SNX7: variants seen among roughly 807,000 people sequenced by gnomAD.
SNX7 encodes sorting nexin 7.
SNX7 carries 35 observed loss-of-function variants against 48.4 expected under a neutral mutation model. The observed-to-expected ratio is 0.72, with a 90% CI of 0.55 to 0.96. The LOEUF (loss-of-function observed/expected upper bound fraction) is 0.96. Among genes scored for constraint, SNX7 ranks in the 40% least tolerant of loss-of-function variants. The pLI, the probability that SNX7 is intolerant of heterozygous loss-of-function variation, is 0.00. For missense variants in SNX7, 553 were observed against 548.9 expected (o/e 1.01, Z -0.07); for synonymous variants, 190 against 190.2 (o/e 1.00, Z 0.01).
intron 7 of SNX7, among the ~76,000 whole-genome samples, chr1:98,734,466 A>C (rs1653675586): frequency 6.6e-6 from 1 of 152,146 alleles, no homozygotes; most frequent in South Asian, 2.1e-4. Flanking sequence ...ATCGGTTTGA[A>C]TCCCTAATAT....
At chr1:98,673,458 C>T (rs945237844) in intron 1 of SNX7, among the ~76,000 whole-genome samples, 4 of 152,144 alleles carry the variant, frequency 2.6e-5, no homozygotes, top group Non-Finnish European at 5.9e-5. Context: ...TTTCCTAACA[C>T]TTATTCTTCT....
chr1:98,727,831 T>A (rs1653268681), intron 7 of SNX7, among the ~76,000 whole-genome samples: 1 of 151,544 alleles, frequency 6.6e-6, no homozygotes, highest in African/African-American at 2.4e-5. Context: ...CAGACAATAT[T>A]AGAGCAAAAA....
chr1:98,692,573 A>G (rs971187901), intron 4 of SNX7, among the ~76,000 whole-genome samples: 7 of 152,156 alleles, frequency 4.6e-5, no homozygotes, highest in African/African-American at 1.7e-4. Context: ...GGGAACCACA[A>G]GAGATCACTT....
chr1:98,690,248 T>C (rs1050540137), intron 2 of SNX7, among the ~76,000 whole-genome samples: 1 of 151,968 alleles, frequency 6.6e-6, no homozygotes, highest in Non-Finnish European at 1.5e-5. Flanking sequence ...TTAAATAAGG[T>C]ATTGGTGTGA....
At chr1:98,720,282 T>G (rs777597586) in intron 7 of SNX7, among the ~76,000 whole-genome samples, 2 of 152,074 alleles carry the variant, frequency 1.3e-5, no homozygotes, top group Non-Finnish European at 2.9e-5. Context: ...TAGAAATAAC[T>G]GTTGTTAATC....
In SNX7 at chr1:98,661,860, G is replaced by T. The variant is rs1172868759; in HGVS notation, c.129G>T (p.Ala43=). The T allele has an allele frequency of 3.2e-6, 4 of 1,246,954 alleles. No individual in the cohort carries two copies. Among genetic ancestry groups the T allele is most frequent in the Middle Eastern group, 2.8e-4 (1 of 3,602 alleles). 77.2% of individuals were successfully genotyped at this position (1,246,954 alleles called of 1,614,324 possible). A position where few individuals can be genotyped will look rare whatever the true frequency, so the allele number is the denominator to read the frequency against. Residue 43 remains alanine, a synonymous_variant, in exon 1 of 9, where the codon GCG becomes GCT. Coordinates refer to ENST00000306121, the MANE Select transcript of SNX7 (RefSeq NM_015976.5). The part of the protein sequence containing the change: ...GSSGSSALLQ[A]EVLDLDEDED... ...GTGGCTCTTCCGCCCTGCTGCAGGCGGAGGTGCTGGATCTGGACGAGGACG... is the reference window on the plus strand; with the variant it reads ...GTGGCTCTTCCGCCCTGCTGCAGGCTGAGGTGCTGGATCTGGACGAGGACG...
At chr1:98,738,682 G>A (rs1260523027) in intron 8 of SNX7, among the ~76,000 whole-genome samples, 1 of 152,202 alleles carries the variant, frequency 6.6e-6, no homozygotes, top group Non-Finnish European at 1.5e-5. Context: ...AAGGAAAGGA[G>A]CAGAGACTTG....
At chr1:98,758,640 A>G (rs1384097113) in intron 8 of SNX7, among the ~76,000 whole-genome samples, 1 of 152,110 alleles carries the variant, frequency 6.6e-6, no homozygotes, top group Non-Finnish European at 1.5e-5. Flanking sequence ...AATGAGGCCT[A>G]CATTACCCCA....
chr1:98,698,196 A>G (rs1171561454), intron 5 of SNX7, among the ~76,000 whole-genome samples: 2 of 152,138 alleles, frequency 1.3e-5, no homozygotes, highest in Non-Finnish European at 2.9e-5. Context: ...ACATAGGTAG[A>G]TGGATAGTTT....
At chr1:98,669,865 G>T (rs1649751988) in intron 1 of SNX7, among the ~76,000 whole-genome samples, 1 of 152,112 alleles carries the variant, frequency 6.6e-6, no homozygotes, top group South Asian at 2.1e-4. Context: ...AATACATTCT[G>T]CCTTATAAAT....
chr1:98,674,280 T>C (rs1650035183), intron 1 of SNX7, among the ~76,000 whole-genome samples: 1 of 152,174 alleles, frequency 6.6e-6, no homozygotes, highest in African/African-American at 2.4e-5. Flanking sequence ...AGACTGAGTG[T>C]CTTACATAAC....
At chr1:98,750,282 A>G (rs1395274316) in intron 8 of SNX7, among the ~76,000 whole-genome samples, 4 of 151,992 alleles carry the variant, frequency 2.6e-5, no homozygotes, top group African/African-American at 7.2e-5. Context: ...GGCGATATCA[A>G]CTTGTTATGT....
At chr1:98,719,787 G>T (rs1397202520) in intron 7 of SNX7, among the ~76,000 whole-genome samples, 1 of 150,478 alleles carries the variant, frequency 6.6e-6, no homozygotes, top group East Asian at 1.9e-4. Context: ...ATTAATTTTT[G>T]AGTTTCCTTT....
chr1:98,698,643 G>A, intron 5 of SNX7, 63 bp from the exon 6 acceptor site: 1 of 1,437,560 alleles, frequency 7.0e-7, no homozygotes, highest in Non-Finnish European at 9.5e-7. Context: ...TACTCTCTAG[G>A]ATACAGGTAT....
At chr1:98,664,290 G>A (rs1649422858) in intron 1 of SNX7, among the ~76,000 whole-genome samples, 1 of 152,186 alleles carries the variant, frequency 6.6e-6, no homozygotes, top group Non-Finnish European at 1.5e-5. Context: ...CACTTTGGGA[G>A]GCTGAGGCTA....
intron 7 of SNX7, among the ~76,000 whole-genome samples, chr1:98,734,299 G>T (rs1050904899): frequency 1.3e-5 from 2 of 151,956 alleles, no homozygotes; most frequent in Admixed American, 1.3e-4. Flanking sequence ...TATAGCCTTT[G>T]GTTTTTTGCT....
intron 7 of SNX7, among the ~76,000 whole-genome samples, chr1:98,714,722 C>G (rs114531246): frequency 4.6e-5 from 7 of 151,992 alleles, no homozygotes; most frequent in Non-Finnish European, 8.8e-5. Flanking sequence ...TTCACATGTT[C>G]CAGGAGGTTT....
chr1:98,747,412 G>C (rs1654357916), intron 8 of SNX7, among the ~76,000 whole-genome samples: 2 of 152,142 alleles, frequency 1.3e-5, no homozygotes, highest in African/African-American at 4.8e-5. Flanking sequence ...AACCAAGTAG[G>C]TGATTAGGAG....
At chr1:98,755,009 A>T (rs1654772205) in intron 8 of SNX7, among the ~76,000 whole-genome samples, 2 of 152,022 alleles carry the variant, frequency 1.3e-5, no homozygotes, top group South Asian at 4.1e-4. Context: ...TTTCATATTC[A>T]TTCAGTTCAA....
Sources: allele counts gnomAD v4.1 joint callset (sites outside exome capture counted in the v4.1 genomes callset), GRCh38; gene constraint gnomAD v4.1.1; transcripts MANE v1.5; gene names NCBI Gene and HGNC (gene_info 2026-07-23, HGNC 2026-07-21).